The following GCKR variants were observed in gnomAD, a reference collection of about 807,000 sequenced individuals.
GCKR encodes glucokinase regulatory protein.
In GCKR, 73 loss-of-function variants were observed where a neutral mutation model predicts 82.9. The observed-to-expected ratio is 0.88, with a 90% CI of 0.73 to 1.07. The LOEUF is 1.07. Among genes scored for constraint, GCKR ranks in the 50% least tolerant of loss-of-function variants. The pLI is 0.00. For synonymous variants in GCKR, 294 were observed against 291.8 expected, an observed-to-expected ratio of 1.01 and a Z score of -0.08; for missense variants, 784 against 782.1, an observed-to-expected ratio of 1.00 and a Z score of -0.03.
intron 16 of GCKR, among the ~76,000 whole-genome samples, chr2:27,514,267 A>G (rs896142405): frequency 6.6e-6 from 1 of 152,058 alleles, no homozygotes. Flanking sequence ...ATATATATAT[A>G]CACACACATA....
rs776474871 is a variant in GCKR, at chr2:27,505,810, G to T, written c.843G>T (p.Val281=). 2 of 1,591,384 alleles carry T rather than the reference G, an allele frequency of 1.3e-6. No homozygotes were observed. Among genetic ancestry groups the T allele is most frequent in the African/African-American group, 1.3e-5 (1 of 74,560 alleles). ...TGTTATTAGCAGCCCATAAGACTGT[G>T]GACCAGGGCATTGCAGCATCTCAAA... ...ETLLLAAHKT[V]DQGIAASQRC... Residue 281 remains valine (V), a synonymous_variant, in exon 10 of 19, where the codon GTG becomes GTT. Coordinates refer to ENST00000264717, the MANE Select transcript of GCKR (RefSeq NM_001486.4).
At chr2:27,497,476 G>C (rs1669442771) in intron 2 of GCKR, 77 bp downstream of exon 2, 2 of 1,584,848 alleles carry the variant, frequency 1.3e-6, no homozygotes, top group Admixed American at 1.7e-5. Context: ...CCTCACCATG[G>C]CTCCTAATAT....
intron 17 of GCKR, 82 bp from the exon 18 acceptor site, chr2:27,522,378 C>T: frequency 2.1e-6 from 3 of 1,420,188 alleles, no homozygotes; most frequent in Non-Finnish European, 3.0e-6. Flanking sequence ...CTCTCACTCT[C>T]ATAGTTTATT....
intron 7 of GCKR, among the ~76,000 whole-genome samples, chr2:27,499,934 T>G (rs1669534498): frequency 6.6e-6 from 1 of 151,608 alleles, no homozygotes; most frequent in African/African-American, 2.4e-5. Context: ...ATTTTTGCAT[T>G]TTTAGTAGAG....
At chr2:27,508,384 G>A (rs1669803428) in intron 16 of GCKR, 133 bp downstream of exon 16, 4 of 703,226 alleles carry the variant, frequency 5.7e-6, no homozygotes, top group Admixed American at 2.1e-5. Context: ...AGCTGGGCAA[G>A]GTCATGGGTT....
intron 16 of GCKR, among the ~76,000 whole-genome samples, chr2:27,510,349 T>C (rs1669852608): frequency 6.6e-6 from 1 of 152,198 alleles, no homozygotes; most frequent in South Asian, 2.1e-4. Context: ...TTCCACTGTA[T>C]AGATGTACCA....
chr2:27,508,075 G>T lies in GCKR; in HGVS notation c.1338+1G>T. 6.2e-7 allele frequency: 1 copy of T among 1,611,110 alleles called. No individual in the cohort carries two copies. Among genetic ancestry groups the T allele is most frequent in the Non-Finnish European group, 8.5e-7 (1 of 1,177,326 alleles). On this transcript the variant is annotated splice_donor_variant, in intron 15 of 18. Coordinates refer to ENST00000264717, the MANE Select transcript of GCKR (RefSeq NM_001486.4). LOFTEE classifies it high-confidence loss of function. ...CAGCACCGTGGGTCAGACCTTGCTG[G>T]TGAGAGTCCAGCCGTGACAAAGGGA...
intron 3 of GCKR, 79 bp downstream of exon 3, chr2:27,497,709 T>G: frequency 1.1e-6 from 1 of 870,656 alleles, no homozygotes; most frequent in Admixed American, 1.8e-5. Flanking sequence ...TTTCTCACTT[T>G]GATAGATCTC....
At chr2:27,521,762 A>G (rs1670160140) in intron 17 of GCKR, among the ~76,000 whole-genome samples, 1 of 151,814 alleles carries the variant, frequency 6.6e-6, no homozygotes, top group East Asian at 1.9e-4. Context: ...GCTGTTACCC[A>G]GGCTGGAGGG....
intron 17 of GCKR, among the ~76,000 whole-genome samples, chr2:27,520,350 G>T (rs1322028745): frequency 6.6e-6 from 1 of 152,200 alleles, no homozygotes; most frequent in Non-Finnish European, 1.5e-5. Flanking sequence ...GCTTGGATAG[G>T]TGGACAGAAG....
chr2:27,499,688 G>T (rs983339631), intron 7 of GCKR, among the ~76,000 whole-genome samples: 5 of 152,240 alleles, frequency 3.3e-5, no homozygotes, highest in Non-Finnish European at 7.3e-5. Flanking sequence ...AGGTGGACTA[G>T]TCCAGGGGTA....
chr2:27,501,068 C>G lies in GCKR; in HGVS notation c.550-67C>G. 26 of 1,083,052 alleles carry G rather than the reference C, an allele frequency of 2.4e-5. No individual in the cohort carries two copies. In the South Asian group the frequency reaches 3.0e-4, roughly 12 times the overall value. The allele number at this position is 1,083,052 out of a possible 1,614,324, so 67.1% of individuals were successfully genotyped here. A position where few individuals can be genotyped will look rare whatever the true frequency, so the allele number is the denominator to read the frequency against. ...AAGCATTCTGAAGGGTTCTGATGCACTTGAGCCTTGGGCACCACTCAGAGT... is the reference window on the plus strand; with the variant it reads ...AAGCATTCTGAAGGGTTCTGATGCAGTTGAGCCTTGGGCACCACTCAGAGT... On this transcript the variant is annotated intron_variant, in intron 7 of 18. Coordinates refer to ENST00000264717, the MANE Select transcript of GCKR (RefSeq NM_001486.4).
In GCKR at chr2:27,497,225, T is replaced by G; in HGVS notation, c.61-19T>G. On this transcript the variant is annotated intron_variant, in intron 1 of 18. Transcript: ENST00000264717. Reference sequence around the variant, plus strand: ...AGGCTTTGGCTTCCTGCTCCATCCTTGTCCCCTCTTCCTTCTAGTTGTCTG... The same window carrying G: ...AGGCTTTGGCTTCCTGCTCCATCCTGGTCCCCTCTTCCTTCTAGTTGTCTG... The G allele has an allele frequency of 1.2e-6, 2 of 1,614,170 alleles. No homozygotes were observed. The highest frequency in any genetic ancestry group is 1.7e-5 in the Admixed American group (1 of 60,032).
In GCKR at chr2:27,505,804, G is replaced by C. The variant is rs1213646037; in HGVS notation, c.837G>C (p.Lys279Asn). 6.2e-7 allele frequency: 1 copy of C among 1,600,434 alleles called. No individual in the cohort carries two copies. Among genetic ancestry groups the C allele is most frequent in the Non-Finnish European group, 8.6e-7 (1 of 1,167,534 alleles). ...LLETLLLAAHKTVDQGIAASQ... is the reference protein window; with the variant it reads ...LLETLLLAAHNTVDQGIAASQ... ...AAACCCTGTTATTAGCAGCCCATAA[G>C]ACTGTGGACCAGGGCATTGCAGCAT... The change falls in exon 10 of 19, where the codon AAG (lysine) becomes AAC (asparagine). Residue 279 changes from lysine to asparagine, a missense_variant. Lys to Asn is a moderately conservative substitution (Grantham distance 94). Transcript: ENST00000264717.
intron 9 of GCKR, among the ~76,000 whole-genome samples, chr2:27,504,165 G>A (rs1000947015): frequency 1.3e-5 from 2 of 152,208 alleles, no homozygotes; most frequent in South Asian, 2.1e-4. Context: ...ATTCCAGCCC[G>A]TGCCTCCCTC....
chr2:27,499,229 T>C (rs1669509373), intron 6 of GCKR, 21 bp downstream of exon 6: 2 of 1,564,188 alleles, frequency 1.3e-6, no homozygotes, highest in East Asian at 4.5e-5. Flanking sequence ...TTCACTGACA[T>C]TGACCAGAGA....
chr2:27,499,186 A>G lies in GCKR; in HGVS notation c.473A>G (p.His158Arg), dbSNP rs1669507116. The G allele has an allele frequency of 2.5e-6, 4 of 1,611,314 alleles. No homozygotes were observed. The highest frequency in any genetic ancestry group is 3.4e-6 in the Non-Finnish European group (4 of 1,177,678). Residue 158 changes from histidine (H) to arginine (R), a missense_variant, in exon 6 of 19, where the codon CAC (histidine) becomes CGC (arginine). Transcript: ENST00000264717. ...SREGTEDSAL[H>R]GIEELKKVAA... ...GAGGGGACAGAAGATAGTGCCTTGC[A>G]CGGGATTGAGGAACTGAAGAAGGTC... is the stretch of plus-strand genomic sequence containing the variant.
In GCKR at chr2:27,501,140, C is replaced by T. The variant is rs1669564410; in HGVS notation, c.555C>T (p.Pro185=). The change falls in exon 8 of 19, where the codon CCC becomes CCT. Residue 185 remains proline, a synonymous_variant. Transcript: ENST00000264717. ...TTCTCTCTCTTCACCATCAGGCTCC[C>T]TTTGTGGCAGGCCAGATGGACTGCT... The part of the protein sequence containing the change: ...VIGISVGLSA[P]FVAGQMDCCM... The T allele has an allele frequency of 1.2e-6, 2 of 1,612,258 alleles. No homozygotes were observed. Among genetic ancestry groups the T allele is most frequent in the African/African-American group, 1.3e-5 (1 of 74,912 alleles).
intron 15 of GCKR, 38 bp downstream of exon 15, chr2:27,508,112 G>T: frequency 2.5e-6 from 4 of 1,585,552 alleles, no homozygotes; most frequent in Non-Finnish European, 3.5e-6. Context: ...CCAGGTGGCA[G>T]TTGCAGCCAG....
Sources: gnomAD v4.1 joint callset for allele counts (sites outside exome capture counted in the v4.1 genomes callset) on GRCh38, gnomAD v4.1.1 for gene constraint, MANE v1.5 for transcripts, NCBI Gene and HGNC (gene_info 2026-07-23, HGNC 2026-07-21) for gene names.